Variants in HIPK4 observed in about 807,000 individuals in gnomAD.
The protein encoded by HIPK4 is homeodomain-interacting protein kinase 4.
Under a neutral mutation model 44.8 loss-of-function variants are expected in HIPK4, and 26 were observed. The ratio of observed to expected loss-of-function variants is 0.58; its 90% CI spans 0.43 to 0.80. The LOEUF is 0.80. HIPK4 is among the 30% of genes least tolerant of loss of function. The probability of loss-of-function intolerance (pLI) is 0.00; values close to 1 mark genes in which losing one functional copy is unlikely to be tolerated. For synonymous variants in HIPK4, 340 were observed against 355.5 expected (o/e 0.96, Z 0.49); for missense variants, 729 against 862.6 (o/e 0.85, Z 1.94).
rs1326236017 is a variant in HIPK4 at position 40,380,991 on chromosome 19, C to T, written c.1000G>A (p.Glu334Lys). The change falls in exon 3 of 4, where the codon GAA becomes AAA. Residue 334 changes from glutamate to lysine, a missense_variant. By Grantham distance (56) the Glu-to-Lys change is moderately conservative. This residue lies in a region of HIPK4 where 533 missense variants were observed against 567.5 expected (regional missense o/e 0.94). Coordinates refer to ENST00000291823, the MANE Select transcript of HIPK4 (RefSeq NM_144685.5). This position sits in a 1 kb window ranked among gnomAD's most constrained non-coding sequence, Gnocchi z 4.2. ...AGGGCAGCACTGGGGCTGATGCGTTCGTGTGACTCCCAGGTCAGCATGCGC... is the reference window on the plus strand; with the variant it reads ...AGGGCAGCACTGGGGCTGATGCGTTTGTGTGACTCCCAGGTCAGCATGCGC... ...IKRMLTWESH[E>K]RISPSAALRH... is the part of the protein sequence containing the mutation. 3.1e-6 allele frequency: 5 copies of T among 1,613,106 alleles called. No homozygotes were observed. The Admixed American group carries it at 5.0e-5, about 16-fold the overall frequency.
intron 1 of HIPK4, among the ~76,000 whole-genome samples, chr19:40,387,459 A>C: frequency 6.8e-6 from 1 of 146,002 alleles, no homozygotes; most frequent in Non-Finnish European, 1.5e-5. Flanking sequence ...AATCTCCGTG[A>C]CTCTCTCTTG....
At position 40,384,293 on chromosome 19, in the gene HIPK4, TTTTG is replaced by T. The variant is rs550867697; in HGVS notation, c.466-158_466-155del. Among the ~76,000 whole-genome samples the T allele has an allele frequency of 9.4e-3, 1,428 of 151,994 alleles. 24 individuals are homozygous for T. Among genetic ancestry groups the T allele is most frequent in the African/African-American group, 0.032 (1,311 of 41,394 alleles). Reference sequence around the variant, plus strand: ...GTGATTCTTTAGTTGCTTTGTTGGTTTTTGTTTGTTTGTTTGTTTGTTTGTTTGA... The same window carrying T: ...GTGATTCTTTAGTTGCTTTGTTGGTTTTTGTTTGTTTGTTTGTTTGTTTGA... On this transcript the variant is annotated intron_variant, in intron 1 of 3. Coordinates refer to ENST00000291823, the MANE Select transcript of HIPK4 (RefSeq NM_144685.5).
chr19:40,379,660 G>A lies in HIPK4; in HGVS notation c.1778C>T (p.Pro593Leu). 2 of 1,552,944 alleles carry A rather than the reference G, an allele frequency of 1.3e-6. No individual in the cohort carries two copies. The highest frequency in any genetic ancestry group is 1.7e-6 in the Non-Finnish European group (2 of 1,151,626). Reference protein sequence around the residue: ...VRGPRAQGLPPRRSHQHGPPR... With the variant: ...VRGPRAQGLPLRRSHQHGPPR... ...TGGACCATGCTGGTGGGAGCGGCGG[G>A]GTGGGAGCCCCTGAGCCCGTGGGCC... The change falls in exon 4 of 4, where the codon CCC (proline) becomes CTC (leucine). Residue 593 changes from proline to leucine, a missense_variant. Coordinates refer to ENST00000291823, the MANE Select transcript of HIPK4 (RefSeq NM_144685.5).
intron 1 of HIPK4, among the ~76,000 whole-genome samples, chr19:40,384,967 C>G (rs1017026427): frequency 6.6e-6 from 1 of 152,086 alleles, no homozygotes; most frequent in Admixed American, 6.6e-5. Flanking sequence ...GTGTCTGGTT[C>G]GAGTGACTGA....
chr19:40,386,350 C>A (rs1287116128), intron 1 of HIPK4, among the ~76,000 whole-genome samples: 1 of 152,130 alleles, frequency 6.6e-6, no homozygotes, highest in African/African-American at 2.4e-5. Context: ...AGCCACGGCG[C>A]CCAGCCCTTT....
At position 40,380,911 on chromosome 19, in the gene HIPK4, G is replaced by C. The variant is rs2079332246; in HGVS notation, c.1080C>G (p.His360Gln). Residue 360 changes from histidine (H) to glutamine (Q), a missense_variant, in exon 3 of 4, where the codon CAC (histidine) becomes CAG (glutamine). His to Gln is a conservative substitution (Grantham distance 24, BLOSUM62 0). This residue lies in a region of HIPK4 where 533 missense variants were observed against 567.5 expected (regional missense o/e 0.94). Transcript: ENST00000291823. The surrounding 1 kb of genome is among the most constrained non-coding windows in gnomAD (Gnocchi z 4.2). ...AGCTGCGCAGCGAGAGCTGGTAGTAGTGGGTGGTCTCGTGGGCACTGCGCA... is the reference window on the plus strand; with the variant it reads ...AGCTGCGCAGCGAGAGCTGGTAGTACTGGGTGGTCTCGTGGGCACTGCGCA... ...QQLRSAHETT[H>Q]YYQLSLRSYR... 1 of 1,603,498 alleles carries C rather than the reference G, an allele frequency of 6.2e-7. No homozygotes were observed. The highest frequency in any genetic ancestry group is 8.5e-7 in the Non-Finnish European group (1 of 1,171,662).
rs568784959 is a variant in HIPK4 at position 40,379,776 on chromosome 19, G to T, written c.1669-7C>A. 4.4e-6 allele frequency: 7 copies of T among 1,606,362 alleles called. No homozygotes were observed. In the African/African-American group the frequency reaches 5.4e-5, roughly 12 times the overall value. On this transcript the variant is annotated splice_region_variant and splice_polypyrimidine_tract_variant and intron_variant, in intron 3 of 3. Transcript: ENST00000291823. ...AGAGCTCAGGGTCTGGCCTCTGTGG[G>T]GGAAGAGAGAGGGGCATCAGCCAAG...
Position 40,380,986 on chromosome 19 carries a change from G to A in HIPK4, c.1005C>T (p.Arg335=), listed in dbSNP as rs2079332864. 1 of 1,613,012 alleles carries A rather than the reference G, an allele frequency of 6.2e-7. No homozygotes were observed. The highest frequency in any genetic ancestry group is 1.3e-5 in the African/African-American group (1 of 74,932). The change falls in exon 3 of 4, where the codon CGC becomes CGT. Residue 335 remains arginine, a synonymous_variant. Coordinates refer to ENST00000291823, the MANE Select transcript of HIPK4 (RefSeq NM_144685.5). The surrounding 1 kb of genome is among the most constrained non-coding windows in gnomAD (Gnocchi z 4.2). ...GGCGCAGGGCAGCACTGGGGCTGAT[G>A]CGTTCGTGTGACTCCCAGGTCAGCA... ...KRMLTWESHE[R]ISPSAALRHP... is the part of the protein sequence containing the mutation.
rs1035810912 is a variant in HIPK4, at chr19:40,379,323, C to G, written c.*264G>C. ...CAGAGGCAGCAGGGCCAAGGGCGAG[C>G]GCAGGGCCAGCGGGGTGCAGCCCCC... On this transcript the variant is annotated 3_prime_UTR_variant, in exon 4 of 4. Coordinates refer to ENST00000291823, the MANE Select transcript of HIPK4 (RefSeq NM_144685.5). 8.3e-6 allele frequency: 4 copies of G among 482,778 alleles called. No homozygotes were observed. In the East Asian group the frequency reaches 1.5e-4, roughly 18 times the overall value. 29.9% of individuals were successfully genotyped at this position (482,778 alleles called of 1,614,324 possible). A position where few individuals can be genotyped will look rare whatever the true frequency, so the allele number is the denominator to read the frequency against.
rs764054866 is a variant in HIPK4, at chr19:40,380,657, G to A, written c.1334C>T (p.Thr445Ile). The change falls in exon 3 of 4, where the codon ACC (threonine) becomes ATC (isoleucine). Residue 445 changes from threonine to isoleucine, a missense_variant. Physicochemically the swap from Thr to Ile is moderately conservative, Grantham distance 89 (BLOSUM62 -1). Around this residue, in one of 2 missense-constraint regions of HIPK4, gnomAD observed 533 missense variants for 567.5 expected, o/e 0.94. Coordinates refer to ENST00000291823, the MANE Select transcript of HIPK4 (RefSeq NM_144685.5). The surrounding 1 kb of genome is among the most constrained non-coding windows in gnomAD (Gnocchi z 4.2). ...CATGTCGGAGACCGCATTGGTGCAG[G>A]TCTCACCCCACAGCCCATGCCCAGC... The part of the protein sequence containing the change: ...QEAGHGLWGE[T>I]CTNAVSDMMV... The A allele has an allele frequency of 2.5e-6, 4 of 1,613,968 alleles. No homozygotes were observed. Among genetic ancestry groups the A allele is most frequent in the Non-Finnish European group, 3.4e-6 (4 of 1,179,952 alleles).
chr19:40,383,734 TCATGTAA>T, intron 2 of HIPK4, 42 bp downstream of exon 2: 1 of 1,448,372 alleles, frequency 6.9e-7, no homozygotes, highest in Non-Finnish European at 9.4e-7. Context: ...GAATTTTTTT[TCATGTAA>T]CAGCCCCCAC....
chr19:40,382,625 C>G (rs1433639689), intron 2 of HIPK4, among the ~76,000 whole-genome samples: 1 of 152,190 alleles, frequency 6.6e-6, no homozygotes, highest in Non-Finnish European at 1.5e-5. Flanking sequence ...TATCTTGCTG[C>G]AGTTGCTGAC....
intron 1 of HIPK4, among the ~76,000 whole-genome samples, chr19:40,385,877 T>C (rs2079361141): frequency 1.3e-5 from 2 of 150,572 alleles, no homozygotes; most frequent in Admixed American, 6.6e-5. Context: ...GCAGCTAATT[T>C]TTATATTTTT....
intron 1 of HIPK4, among the ~76,000 whole-genome samples, chr19:40,388,180 G>T (rs2079372031): frequency 6.6e-6 from 1 of 151,920 alleles, no homozygotes; most frequent in South Asian, 2.1e-4. Flanking sequence ...ACCACACCCG[G>T]CTAATTTTTA....
In HIPK4 at chr19:40,379,657, C is replaced by G; in HGVS notation, c.1781G>C (p.Arg594Pro). 6.5e-7 allele frequency: 1 copy of G among 1,548,312 alleles called. No individual in the cohort carries two copies. Among genetic ancestry groups the G allele is most frequent in the South Asian group, 1.2e-5 (1 of 84,048 alleles). ...RGPRAQGLPP[R>P]RSHQHGPPRG... ...GGGTGGACCATGCTGGTGGGAGCGG[C>G]GGGGTGGGAGCCCCTGAGCCCGTGG... The change falls in exon 4 of 4, where the codon CGC (arginine) becomes CCC (proline). Residue 594 changes from arginine to proline, a missense_variant. This residue lies in a region of HIPK4 where 533 missense variants were observed against 567.5 expected (regional missense o/e 0.94). Coordinates refer to ENST00000291823, the MANE Select transcript of HIPK4 (RefSeq NM_144685.5).
intron 2 of HIPK4, 81 bp downstream of exon 2, chr19:40,383,702 G>T (rs1163304799): frequency 9.2e-6 from 10 of 1,090,204 alleles, no homozygotes; most frequent in Middle Eastern, 2.1e-4. Flanking sequence ...AATTACAGGT[G>T]TGAGCCACGT....
chr19:40,384,600 CA>C (rs2079354578), intron 1 of HIPK4, among the ~76,000 whole-genome samples: 1 of 144,326 alleles, frequency 6.9e-6, no homozygotes, highest in Non-Finnish European at 1.5e-5. Flanking sequence ...CCACCGCACC[CA>C]GCCTTTGTTG....
intron 1 of HIPK4, among the ~76,000 whole-genome samples, chr19:40,384,771 C>T (rs531985853): frequency 4.6e-5 from 7 of 151,628 alleles, no homozygotes; most frequent in Non-Finnish European, 8.8e-5. Context: ...ACCACCATGC[C>T]CTGCTAATTT....
At chr19:40,381,784 C>CTTTTTTTTT (rs55780075) in intron 2 of HIPK4, among the ~76,000 whole-genome samples, 16 of 72,330 alleles carry the variant, frequency 2.2e-4, no homozygotes, top group Non-Finnish European at 3.4e-4. Flanking sequence ...CACTCAGATC[C>CTTTTTTTTT]TTTTTTTTTT....
Sources: gnomAD v4.1 joint callset for allele counts (sites outside exome capture counted in the v4.1 genomes callset) on GRCh38, gnomAD v4.1.1 for gene constraint, gnomAD v4.1.1 regional missense constraint, Gnocchi (gnomAD v3.1) non-coding constraint, MANE v1.5 for transcripts, NCBI Gene and HGNC (gene_info 2026-07-23, HGNC 2026-07-21) for gene names.